Variants in SSH1 observed in about 807,000 individuals in gnomAD.
SSH1 encodes the protein slingshot protein phosphatase 1, also known as protein phosphatase Slingshot homolog 1.
A neutral mutation model predicts 79.7 loss-of-function variants in SSH1; 43 were observed. That is an observed-to-expected ratio of 0.54 (90% confidence interval 0.42 to 0.70). The LOEUF (loss-of-function observed/expected upper bound fraction) is 0.70. Among genes scored for constraint, SSH1 ranks in the 30% least tolerant of loss-of-function variants. The pLI is 0.00. For missense variants in SSH1, 1,206 were observed against 1,358.8 expected (o/e 0.89, Z 1.77); for synonymous variants, 599 against 538.3 (o/e 1.11, Z -1.56).
At chr12:108,816,276 CTTTG>C (rs1410765166) in intron 5 of SSH1, among the ~76,000 whole-genome samples, 2 of 152,234 alleles carry the variant, frequency 1.3e-5, no homozygotes, top group African/African-American at 4.8e-5. Context: ...ACTGTTGCTT[CTTTG>C]TTTACCTGGG....
In SSH1 at chr12:108,807,131, C is replaced by T. The variant is rs928947608; in HGVS notation, c.731+502G>A. Among the ~76,000 whole-genome samples the T allele has an allele frequency of 1.3e-5, 2 of 152,342 alleles. No individual in the cohort carries two copies. Among genetic ancestry groups the T allele is most frequent in the African/African-American group, 2.4e-5 (1 of 41,584 alleles). On this transcript the variant is annotated intron_variant, in intron 8 of 14. Transcript: ENST00000326495. The surrounding 1 kb of genome is among the most constrained non-coding windows in gnomAD (Gnocchi z 5.2). ...TGTGGCCTCTCCATGTCAGCGCTGT[C>T]GTAGGTCACACGACACAGGTCATGT...
chr12:108,827,205 G>A, intron 2 of SSH1: 6 of 1,495,206 alleles, frequency 4.0e-6, no homozygotes, highest in Non-Finnish European at 5.4e-6. Context: ...TAAACAGCCA[G>A]TGTCATCCAG....
At chr12:108,836,876 G>C in intron 2 of SSH1, 1 of 530,076 alleles carries the variant, frequency 1.9e-6, no homozygotes, top group Non-Finnish European at 3.9e-6. Flanking sequence ...AATCACACAA[G>C]AACATCAGAC....
At chr12:108,853,896 C>G (rs1295923532) in intron 1 of SSH1, among the ~76,000 whole-genome samples, 1 of 151,096 alleles carries the variant, frequency 6.6e-6, no homozygotes, top group African/African-American at 2.4e-5. Context: ...TGCACTCCAG[C>G]CTGGTGAAAG....
chr12:108,790,181 G>A (rs919048323), intron 14 of SSH1, among the ~76,000 whole-genome samples: 5 of 148,782 alleles, frequency 3.4e-5, no homozygotes, highest in South Asian at 4.2e-4. Context: ...ATGAAGTTTC[G>A]CTCTTGTTGC....
intron 2 of SSH1, chr12:108,837,058 C>T: frequency 2.3e-6 from 1 of 432,974 alleles, no homozygotes; most frequent in South Asian, 1.6e-5. Context: ...TGGCAACACC[C>T]TATTCTCTAC....
chr12:108,809,516 G>A (rs1357646845), intron 7 of SSH1, among the ~76,000 whole-genome samples, 177 bp downstream of exon 7: 5 of 151,086 alleles, frequency 3.3e-5, no homozygotes, highest in South Asian at 2.1e-4. Flanking sequence ...ACTTAATGCC[G>A]CTAAAAATTG....
In SSH1 at chr12:108,780,278, C is replaced by T. The variant is rs1858513183; in HGVS notation, c.*7710G>A. On this transcript the variant is annotated 3_prime_UTR_variant, in exon 15 of 15. Coordinates refer to ENST00000326495, the MANE Select transcript of SSH1 (RefSeq NM_018984.4). ...CACAAACAAGCATGCGGATCCTCCC[C>T]AGCAAAACCACCTCCACTGTAGATG... 1 of 152,186 alleles carries T rather than the reference C, an allele frequency of 6.6e-6. No homozygotes were observed. Among genetic ancestry groups the T allele is most frequent in the Non-Finnish European group, 1.5e-5 (1 of 68,032 alleles). 9.4% of individuals were successfully genotyped at this position (152,186 alleles called of 1,614,324 possible).
intron 1 of SSH1, among the ~76,000 whole-genome samples, chr12:108,854,139 T>C (rs1309354732): frequency 6.6e-6 from 1 of 152,186 alleles, no homozygotes; most frequent in African/African-American, 2.4e-5. Flanking sequence ...GCGGAGCAAG[T>C]TCTCTCAACA....
At chr12:108,816,181 C>CCT (rs2037877470) in intron 5 of SSH1, among the ~76,000 whole-genome samples, 1 of 152,200 alleles carries the variant, frequency 6.6e-6, no homozygotes, top group East Asian at 1.9e-4. Flanking sequence ...AACCCCAGCA[C>CCT]CTCTCGGTCA....
intron 2 of SSH1, chr12:108,827,386 G>A (rs1353965610): frequency 2.6e-6 from 4 of 1,511,456 alleles, no homozygotes; most frequent in Non-Finnish European, 3.6e-6. Context: ...CCCTACAACT[G>A]CCCTCCGAGC....
intron 1 of SSH1, among the ~76,000 whole-genome samples, chr12:108,854,638 G>A (rs1003175960): frequency 6.6e-6 from 1 of 152,186 alleles, no homozygotes; most frequent in Non-Finnish European, 1.5e-5. Context: ...TTTGAAGAGT[G>A]ATGACGTGAC....
chr12:108,838,036 G>A (rs530587118), intron 2 of SSH1, among the ~76,000 whole-genome samples: 2 of 152,116 alleles, frequency 1.3e-5, no homozygotes, highest in South Asian at 4.2e-4. Flanking sequence ...CTCCCACCTC[G>A]GTCTCCCAAA....
At chr12:108,828,234 C>T (rs566316600) in intron 2 of SSH1, among the ~76,000 whole-genome samples, 2 of 152,240 alleles carry the variant, frequency 1.3e-5, no homozygotes, top group South Asian at 2.1e-4. Flanking sequence ...GCTTCTCTTC[C>T]CTCGGCTCAC....
Position 108,809,699 on chromosome 12 carries a change from G to C in SSH1, c.530C>G (p.Ala177Gly). The C allele has an allele frequency of 6.2e-7, 1 of 1,613,730 alleles. No individual in the cohort carries two copies. Among genetic ancestry groups the C allele is most frequent in the Non-Finnish European group, 8.5e-7 (1 of 1,179,746 alleles). The change falls in exon 7 of 15, where the codon GCC becomes GGC. Residue 177 changes from alanine to glycine, a missense_variant. Ala to Gly is a moderately conservative substitution (Grantham distance 60, BLOSUM62 0). This residue lies in a region of SSH1 where 115 missense variants were observed against 173.9 expected (regional missense o/e 0.66). Transcript: ENST00000326495. ...MHIFKPVSVQ[A>G]MWSALQVLHK... ...TCCCTAAAACCACACTTACCACATG[G>C]CCTGGACAGACACAGGCTTAAATAT...
In SSH1 at chr12:108,806,488, A is replaced by C. The variant is rs1451115141; in HGVS notation, c.732-94T>G. 4 of 1,159,176 alleles carry C rather than the reference A, an allele frequency of 3.5e-6. No homozygotes were observed. In the Admixed American group the frequency reaches 6.8e-5, roughly 20 times the overall value. 71.8% of individuals were successfully genotyped at this position (1,159,176 alleles called of 1,614,324 possible). A position where few individuals can be genotyped will look rare whatever the true frequency, so the allele number is the denominator to read the frequency against. Reference sequence around the variant, plus strand: ...CCAGATGCTCCTGGGTCTAAACAGAACACGGCTTGGCAAGGAGAGCACGCT... The same window carrying C: ...CCAGATGCTCCTGGGTCTAAACAGACCACGGCTTGGCAAGGAGAGCACGCT... On this transcript the variant is annotated intron_variant, in intron 8 of 14. Transcript: ENST00000326495.
intron 5 of SSH1, among the ~76,000 whole-genome samples, chr12:108,813,038 A>G (rs2037697126): frequency 6.6e-6 from 1 of 152,106 alleles, no homozygotes; most frequent in South Asian, 2.1e-4. Context: ...TTTTAAAAAA[A>G]ACTTTTTTGT....
intron 1 of SSH1, among the ~76,000 whole-genome samples, chr12:108,853,692 G>A (rs1180945282): frequency 6.6e-6 from 1 of 152,192 alleles, no homozygotes; most frequent in Non-Finnish European, 1.5e-5. Context: ...AGGAGGCCGA[G>A]GTGGGCGGAT....
chr12:108,851,770 G>A (rs2039043984), intron 2 of SSH1, among the ~76,000 whole-genome samples: 1 of 152,168 alleles, frequency 6.6e-6, no homozygotes, highest in South Asian at 2.1e-4. Flanking sequence ...ACCTTTAGGG[G>A]GTTGAGTATC....
Sources: gnomAD v4.1 joint callset for allele counts (sites outside exome capture counted in the v4.1 genomes callset) on GRCh38, gnomAD v4.1.1 for gene constraint, gnomAD v4.1.1 regional missense constraint, Gnocchi (gnomAD v3.1) non-coding constraint, MANE v1.5 for transcripts, NCBI Gene and HGNC (gene_info 2026-07-23, HGNC 2026-07-21) for gene names.